The following UNK variants were observed in gnomAD, a reference collection of about 807,000 sequenced individuals.
UNK encodes the protein RING finger protein unkempt homolog.
UNK carries 32 observed loss-of-function variants against 97.6 expected under a neutral mutation model. That is an observed-to-expected ratio of 0.33 (90% CI 0.25 to 0.44). The LOEUF is 0.44. Among genes scored for constraint, UNK ranks in the 20% least tolerant of loss-of-function variants. UNK has a pLI of 1.00. For missense variants in UNK, 771 were observed against 1,098.4 expected (o/e 0.70, Z 4.21); for synonymous variants, 441 against 461.2 (o/e 0.96, Z 0.56).
At position 75,816,774 on chromosome 17, in the gene UNK, AC is replaced by A; in HGVS notation, c.970del (p.Leu324Ter). The A allele has an allele frequency of 6.2e-7, 1 of 1,601,358 alleles. No homozygotes were observed. ...CCCTGCCCCTGACTCTTGCAGAGCCACCCCTGAGTGACGACCTGCAGCCTTC... is the reference window on the plus strand; with the variant it reads ...CCCTGCCCCTGACTCTTGCAGAGCCACCCTGAGTGACGACCTGCAGCCTTC... ...FCAFAHVEQP[P>X]LSDDLQPSSA... On this transcript the variant is annotated frameshift_variant, in exon 8 of 16. Coordinates refer to ENST00000589666, the MANE Select transcript of UNK (RefSeq NM_001080419.3). LOFTEE classifies it high-confidence loss of function. The surrounding 1 kb of genome is among the most constrained non-coding windows in gnomAD (Gnocchi z 4.0).
In UNK at chr17:75,824,037, G is replaced by A. The variant is rs926213393; in HGVS notation, c.2278-225G>A. ...GGATTACAAGGTCAAATGAGACTGG[G>A]CGAAGCCTCTCTGAGGGGTGGGTCT... On this transcript the variant is annotated intron_variant, in intron 15 of 15. Transcript: ENST00000589666. The surrounding 1 kb of genome is among the most constrained non-coding windows in gnomAD (Gnocchi z 4.9). Among the ~76,000 whole-genome samples, 1 of 151,834 alleles carries A rather than the reference G, an allele frequency of 6.6e-6. No homozygotes were observed. Among genetic ancestry groups the A allele is most frequent in the Non-Finnish European group, 1.5e-5 (1 of 68,012 alleles).
chr17:75,787,126 G>C (rs1337998234), intron 1 of UNK, among the ~76,000 whole-genome samples: 4 of 152,182 alleles, frequency 2.6e-5, no homozygotes, highest in African/African-American at 4.8e-5. Flanking sequence ...TGATGACCTG[G>C]AAAACTTCAT....
chr17:75,819,745 C>G lies in UNK; in HGVS notation c.1608C>G (p.Phe536Leu), dbSNP rs762888859. Residue 536 changes from phenylalanine to leucine, a missense_variant, in exon 12 of 16, where the codon TTC becomes TTG. Phe to Leu is a conservative substitution (Grantham distance 22, BLOSUM62 0). Around this residue, in one of 5 missense-constraint regions of UNK, gnomAD observed 91 missense variants for 173.1 expected, o/e 0.53. Transcript: ENST00000589666. The surrounding 1 kb of genome is among the most constrained non-coding windows in gnomAD (Gnocchi z 5.4). Reference sequence around the variant, plus strand: ...GCGTGGCCGCCCTGGAGAAGACTTTCGATAACAGCACAGTGCCCCACCCAG... The same window carrying G: ...GCGTGGCCGCCCTGGAGAAGACTTTGGATAACAGCACAGTGCCCCACCCAG... ...EFGVAALEKT[F>L]DNSTVPHPGS... is the part of the protein sequence containing the mutation. 1 of 1,613,766 alleles carries G rather than the reference C, an allele frequency of 6.2e-7. No individual in the cohort carries two copies. Among genetic ancestry groups the G allele is most frequent in the African/African-American group, 1.3e-5 (1 of 74,938 alleles).
Position 75,824,525 on chromosome 17 carries a change from T to A in UNK, c.*108T>A. The A allele has an allele frequency of 1.2e-6, 1 of 856,510 alleles. No individual in the cohort carries two copies. Among genetic ancestry groups the A allele is most frequent in the South Asian group, 5.8e-5 (1 of 17,098 alleles). 53.1% of individuals were successfully genotyped at this position (856,510 alleles called of 1,614,324 possible). On this transcript the variant is annotated 3_prime_UTR_variant, in exon 16 of 16. Transcript: ENST00000589666. The surrounding 1 kb of genome is among the most constrained non-coding windows in gnomAD (Gnocchi z 4.9). Reference sequence around the variant, plus strand: ...ATATGTGTATGTATGTATGTATATGTATATGATTATGTATATGTATACATT... The same window carrying A: ...ATATGTGTATGTATGTATGTATATGAATATGATTATGTATATGTATACATT...
In UNK at chr17:75,806,272, G is replaced by A. The variant is rs1224483110; in HGVS notation, c.105-3488G>A. 7.3e-5 allele frequency among the ~76,000 whole-genome samples: 11 copies of A among 151,102 alleles called. No individual in the cohort carries two copies. The South Asian group carries it at 2.1e-3, about 29-fold the overall frequency. On this transcript the variant is annotated intron_variant, in intron 1 of 15. Coordinates refer to ENST00000589666, the MANE Select transcript of UNK (RefSeq NM_001080419.3). Reference sequence around the variant, plus strand: ...AGATCAAGACCATCTGGCTAACATGGTGAAACCCCGTCTCTACTAAAAATA... The same window carrying A: ...AGATCAAGACCATCTGGCTAACATGATGAAACCCCGTCTCTACTAAAAATA...
chr17:75,798,066 C>CTTTTTT (rs776246418), intron 1 of UNK, among the ~76,000 whole-genome samples: 8 of 129,146 alleles, frequency 6.2e-5, no homozygotes, highest in African/African-American at 2.3e-4. Context: ...GACCACAGCT[C>CTTTTTT]TTTTTTTTTT....
intron 1 of UNK, among the ~76,000 whole-genome samples, chr17:75,800,524 G>A (rs61591170): frequency 6.6e-6 from 1 of 151,468 alleles, no homozygotes; most frequent in Non-Finnish European, 1.5e-5. Context: ...GGATCATGAG[G>A]TCAGGAGATT....
At chr17:75,804,068 C>T (rs115908529) in intron 1 of UNK, among the ~76,000 whole-genome samples, 2,399 of 152,346 alleles carry the variant, frequency 0.016, 51 homozygotes, top group African/African-American at 0.044. Context: ...CAAAGGCAAG[C>T]TCTCCATTCC....
At chr17:75,805,810 A>ATGTGTGTGTGTGTGTGTGTG (rs61000364) in intron 1 of UNK, among the ~76,000 whole-genome samples, 68 of 145,400 alleles carry the variant, frequency 4.7e-4, no homozygotes, top group African/African-American at 1.5e-3. Flanking sequence ...AAAAAGAAAA[A>ATGTGTGTGTGTGTGTGTGTG]TGTGTGTGTG....
In UNK at chr17:75,818,199, C is replaced by T; in HGVS notation, c.1371+31C>T. ...GAGCTCTCAGCCCCCTTCCTCCCCTCTGCTGTGGACAGGAGTGGCCCAGAA... is the reference window on the plus strand; with the variant it reads ...GAGCTCTCAGCCCCCTTCCTCCCCTTTGCTGTGGACAGGAGTGGCCCAGAA... On this transcript the variant is annotated intron_variant, in intron 10 of 15. Coordinates refer to ENST00000589666, the MANE Select transcript of UNK (RefSeq NM_001080419.3). This position sits in a 1 kb window ranked among gnomAD's most constrained non-coding sequence, Gnocchi z 5.1. The T allele has an allele frequency of 6.2e-7, 1 of 1,612,196 alleles. No homozygotes were observed. Among genetic ancestry groups the T allele is most frequent in the Non-Finnish European group, 8.5e-7 (1 of 1,179,090 alleles).
chr17:75,791,536 T>C (rs1021940530), intron 1 of UNK, among the ~76,000 whole-genome samples: 3 of 152,188 alleles, frequency 2.0e-5, no homozygotes, highest in African/African-American at 7.2e-5. Context: ...CAATAAACAT[T>C]TCTGGATCTT....
Position 75,815,270 on chromosome 17 carries a change from G to A in UNK, c.961+17G>A. On this transcript the variant is annotated intron_variant, in intron 7 of 15. Transcript: ENST00000589666. ...ACGTAGAACGTATGCTGTTCCCATT[G>A]CCCCGGGGCAGTGCCCTCTCCCACC... 2 of 1,606,178 alleles carry A rather than the reference G, an allele frequency of 1.2e-6. No homozygotes were observed. The highest frequency in any genetic ancestry group is 1.7e-4 in the Middle Eastern group (1 of 6,030).
At position 75,801,480 on chromosome 17, in the gene UNK, G is replaced by A. The variant is rs540344811; in HGVS notation, c.105-8280G>A. The stretch of plus-strand genomic sequence containing the variant: ...TGCAATGAGCTGTGATTACACTACT[G>A]CACTCCAGCCTGGTAACGGAGTGAG... On this transcript the variant is annotated intron_variant, in intron 1 of 15. Coordinates refer to ENST00000589666, the MANE Select transcript of UNK (RefSeq NM_001080419.3). 2.6e-5 allele frequency among the ~76,000 whole-genome samples: 4 copies of A among 152,076 alleles called. No individual in the cohort carries two copies. In the East Asian group the frequency reaches 7.7e-4, roughly 29 times the overall value.
At chr17:75,797,157 A>C (rs1350797023) in intron 1 of UNK, among the ~76,000 whole-genome samples, 8 of 152,354 alleles carry the variant, frequency 5.3e-5, no homozygotes, top group Admixed American at 2.6e-4. Context: ...TTCAATAAAG[A>C]ATGTTTAAGA....
intron 1 of UNK, chr17:75,793,786 G>T (rs1406928300): frequency 4.1e-6 from 4 of 985,296 alleles, no homozygotes; most frequent in Non-Finnish European, 4.8e-6. Context: ...GGAGGGGGAA[G>T]GTCCATGTCC....
rs1567808076 is a variant in UNK, at chr17:75,817,660, G to A, written c.1305+134G>A. 5.0e-6 allele frequency: 5 copies of A among 1,000,894 alleles called. No homozygotes were observed. The East Asian group carries it at 1.3e-4, about 26-fold the overall frequency. 62.0% of individuals were successfully genotyped at this position (1,000,894 alleles called of 1,614,324 possible). A position where few individuals can be genotyped will look rare whatever the true frequency, so the allele number is the denominator to read the frequency against. On this transcript the variant is annotated intron_variant, in intron 9 of 15. Transcript: ENST00000589666. The surrounding 1 kb of genome is among the most constrained non-coding windows in gnomAD (Gnocchi z 5.8). ...ACTCCACTGTCCTCGGCCTCTTCAG[G>A]ACTGAACAGAGGGAGCAGTGTCAGC...
At chr17:75,806,123 A>G (rs567455953) in intron 1 of UNK, among the ~76,000 whole-genome samples, 43 of 151,424 alleles carry the variant, frequency 2.8e-4, no homozygotes, top group Non-Finnish European at 5.6e-4. Context: ...AAAAAAAGAA[A>G]TCTAAAGTCT....
Position 75,819,846 on chromosome 17 carries a change from G to C in UNK, c.1648+61G>C. 6.2e-7 allele frequency: 1 copy of C among 1,609,454 alleles called. No individual in the cohort carries two copies. Among genetic ancestry groups the C allele is most frequent in the South Asian group, 1.1e-5 (1 of 90,750 alleles). On this transcript the variant is annotated intron_variant, in intron 12 of 15. Coordinates refer to ENST00000589666, the MANE Select transcript of UNK (RefSeq NM_001080419.3). The surrounding 1 kb of genome is among the most constrained non-coding windows in gnomAD (Gnocchi z 5.4). The stretch of plus-strand genomic sequence containing the variant: ...CTCCTCGGGTTCCTGCCTGGCTCAG[G>C]CCCCTTGCTCTGTGTGGCCCGCCTG...
chr17:75,810,061 C>T lies in UNK; in HGVS notation c.314+92C>T. ...GGCTGGGCAGATTCTGGGAAGCCAT[C>T]CAGAGGACTGGTTGCAGCCCAGCCC... On this transcript the variant is annotated intron_variant, in intron 2 of 15. Transcript: ENST00000589666. 4 of 1,485,276 alleles carry T rather than the reference C, an allele frequency of 2.7e-6. No individual in the cohort carries two copies. The East Asian group carries it at 9.4e-5, about 35-fold the overall frequency. 92.0% of individuals were successfully genotyped at this position (1,485,276 alleles called of 1,614,324 possible).
Sources: allele counts gnomAD v4.1 joint callset (sites outside exome capture counted in the v4.1 genomes callset), GRCh38; gene constraint gnomAD v4.1.1; regional missense constraint gnomAD v4.1.1; non-coding constraint Gnocchi (gnomAD v3.1); transcripts MANE v1.5; gene names NCBI Gene and HGNC (gene_info 2026-07-23, HGNC 2026-07-21).